DPT: variants seen among roughly 807,000 people sequenced by gnomAD.
DPT encodes dermatopontin, also known as tyrosine-rich acidic matrix protein.
A neutral mutation model predicts 31.2 loss-of-function variants in DPT; 21 were observed. The observed-to-expected ratio is 0.67, with a 90% CI of 0.48 to 0.97. The LOEUF (loss-of-function observed/expected upper bound fraction) is 0.97. Among genes scored for constraint, DPT ranks in the 50% least tolerant of loss-of-function variants. The pLI, the probability that DPT is intolerant of heterozygous loss-of-function variation, is 0.00. For missense variants in DPT, 262 were observed against 258.8 expected, an observed-to-expected ratio of 1.01 and a Z score of -0.08; for synonymous variants, 91 against 86.9, an observed-to-expected ratio of 1.05 and a Z score of -0.26.
chr1:168,721,319 C>T (rs1010617091), intron 1 of DPT, among the ~76,000 whole-genome samples: 4 of 152,178 alleles, frequency 2.6e-5, no homozygotes, highest in African/African-American at 9.7e-5. Context: ...ACTAGGATGA[C>T]AGTTCTTAAC....
At chr1:168,713,099 A>G (rs1457446612) in intron 2 of DPT, among the ~76,000 whole-genome samples, 1 of 152,034 alleles carries the variant, frequency 6.6e-6, no homozygotes, top group African/African-American at 2.4e-5. Flanking sequence ...TGCTCCTTCT[A>G]CCTCCTCCAC....
At chr1:168,697,284 G>C (rs1289749025) in intron 3 of DPT, among the ~76,000 whole-genome samples, 1 of 152,054 alleles carries the variant, frequency 6.6e-6, no homozygotes, top group Non-Finnish European at 1.5e-5. Flanking sequence ...AAAAAATCTT[G>C]TTTTAAAAAG....
intron 1 of DPT, among the ~76,000 whole-genome samples, chr1:168,726,340 C>T (rs1244450995): frequency 6.6e-6 from 1 of 152,250 alleles, no homozygotes; most frequent in Admixed American, 6.5e-5. Context: ...GAGTTCATGA[C>T]AAACCAGTCA....
At chr1:168,714,579 C>T (rs1649936109) in intron 1 of DPT, among the ~76,000 whole-genome samples, 1 of 152,196 alleles carries the variant, frequency 6.6e-6, no homozygotes, top group Non-Finnish European at 1.5e-5. Flanking sequence ...AACACTGCCC[C>T]TGTCATACCT....
At chr1:168,702,440 T>C (rs945025665) in intron 2 of DPT, among the ~76,000 whole-genome samples, 1 of 152,164 alleles carries the variant, frequency 6.6e-6, no homozygotes, top group African/African-American at 2.4e-5. Context: ...CTGATTTGAC[T>C]TTTCCTAAGA....
intron 2 of DPT, among the ~76,000 whole-genome samples, chr1:168,702,600 T>C (rs1649622304): frequency 6.7e-6 from 1 of 148,672 alleles, no homozygotes; most frequent in Non-Finnish European, 1.5e-5. Flanking sequence ...ACTTTACCTT[T>C]CAGGTAAATG....
In DPT at chr1:168,714,228, A is replaced by C. The variant is rs778151815; in HGVS notation, c.424T>G (p.Ser142Ala). ...CCRYSKRCPY[S>A]CWLTTEYPGH... is the part of the protein sequence containing the mutation. ...GTCGGCTGCCAGACTCACCAGCAGG[A>C]ATATGGGCACCTCTTGCTGTAGCGA... Residue 142 changes from serine (S) to alanine (A), a missense_variant, in exon 2 of 4, where the codon TCC (serine) becomes GCC (alanine). Coordinates refer to ENST00000367817, the MANE Select transcript of DPT (RefSeq NM_001937.5). The C allele has an allele frequency of 3.5e-5, 56 of 1,613,974 alleles. 1 individual carries two copies. In the South Asian group the frequency reaches 6.1e-4, roughly 18 times the overall value.
intron 2 of DPT, among the ~76,000 whole-genome samples, chr1:168,712,074 T>C (rs1649879545): frequency 6.6e-6 from 1 of 152,200 alleles, no homozygotes; most frequent in South Asian, 2.1e-4. Context: ...CAACAGTTGT[T>C]AAGAAGACAC....
intron 2 of DPT, among the ~76,000 whole-genome samples, chr1:168,706,451 CCCCTT>C (rs1231874989): frequency 2.0e-5 from 3 of 152,042 alleles, no homozygotes; most frequent in African/African-American, 7.3e-5. Context: ...TACATCAGAC[CCCCTT>C]TGAATTAGTT....
chr1:168,712,202 A>G (rs903495500), intron 2 of DPT, among the ~76,000 whole-genome samples: 1 of 152,190 alleles, frequency 6.6e-6, no homozygotes, highest in African/African-American at 2.4e-5. Context: ...GGTAAAATGC[A>G]TAAAGTGCTG....
At chr1:168,704,185 A>T (rs1011797033) in intron 2 of DPT, among the ~76,000 whole-genome samples, 5 of 152,204 alleles carry the variant, frequency 3.3e-5, no homozygotes, top group African/African-American at 9.7e-5. Flanking sequence ...GTGAATTACT[A>T]GGTCACTTTA....
At chr1:168,698,951 A>ATTTAT (rs1649525668) in intron 3 of DPT, among the ~76,000 whole-genome samples, 1 of 152,126 alleles carries the variant, frequency 6.6e-6, no homozygotes, top group East Asian at 1.9e-4. Flanking sequence ...GCATGAGTAT[A>ATTTAT]TTTATTTTAT....
At chr1:168,711,779 T>A (rs1382568921) in intron 2 of DPT, among the ~76,000 whole-genome samples, 5 of 152,212 alleles carry the variant, frequency 3.3e-5, no homozygotes, top group Non-Finnish European at 2.9e-5. Flanking sequence ...CAGCTCTGTG[T>A]GATCATAGAC....
chr1:168,707,112 T>C lies in DPT; in HGVS notation c.432-5988A>G, dbSNP rs140453766. On this transcript the variant is annotated intron_variant, in intron 2 of 3. Transcript: ENST00000367817. ...TTTGGAGGCAGATAGACTGGTTGAGTCAAGTTTGGAACTTTGAAGGGAGCC... is the reference window on the plus strand; with the variant it reads ...TTTGGAGGCAGATAGACTGGTTGAGCCAAGTTTGGAACTTTGAAGGGAGCC... 2.6e-3 allele frequency among the ~76,000 whole-genome samples: 393 copies of C among 152,306 alleles called. 5 individuals carry two copies. Among genetic ancestry groups the C allele is most frequent in the African/African-American group, 9.0e-3 (374 of 41,564 alleles).
At chr1:168,710,658 C>T (rs1165027117) in intron 2 of DPT, among the ~76,000 whole-genome samples, 1 of 152,080 alleles carries the variant, frequency 6.6e-6, no homozygotes, top group Non-Finnish European at 1.5e-5. Context: ...TGGTGAATTG[C>T]ATCTAAGGGA....
At chr1:168,705,375 A>G (rs939048726) in intron 2 of DPT, among the ~76,000 whole-genome samples, 1 of 152,122 alleles carries the variant, frequency 6.6e-6, no homozygotes, top group Non-Finnish European at 1.5e-5. Context: ...ACATGAACAG[A>G]TACAGCTTCA....
At position 168,701,027 on chromosome 1, in the gene DPT, C is replaced by A; in HGVS notation, c.529G>T (p.Ala177Ser). ...GGCTGTCTTTCTCACCTTTCCACTGCAGAGAAAGTGGTTGTTGCTCCTCGG... is the reference window on the plus strand; with the variant it reads ...GGCTGTCTTTCTCACCTTTCCACTGAAGAGAAAGTGGTTGTTGCTCCTCGG... The part of the protein sequence containing the change: ...YIRGATTTFS[A>S]VERDRQWKFI... Residue 177 changes from alanine to serine, a missense_variant, in exon 3 of 4, where the codon GCA becomes TCA. Physicochemically the swap from Ala to Ser is moderately conservative, Grantham distance 99 (BLOSUM62 1). Transcript: ENST00000367817. The A allele has an allele frequency of 1.2e-6, 2 of 1,612,908 alleles. No individual in the cohort carries two copies. Among genetic ancestry groups the A allele is most frequent in the Non-Finnish European group, 8.5e-7 (1 of 1,179,136 alleles).
intron 1 of DPT, among the ~76,000 whole-genome samples, chr1:168,725,449 G>A (rs911459346): frequency 4.6e-5 from 7 of 151,866 alleles, no homozygotes; most frequent in Non-Finnish European, 8.8e-5. Context: ...GGCTCCTTCC[G>A]CTACACAGTA....
chr1:168,727,156 G>C (rs1166457583), intron 1 of DPT, among the ~76,000 whole-genome samples: 1 of 152,196 alleles, frequency 6.6e-6, no homozygotes, highest in Non-Finnish European at 1.5e-5. Flanking sequence ...TGTCGGGTGG[G>C]AGCCCACTCT....
Sources: gnomAD v4.1 joint callset for allele counts (sites outside exome capture counted in the v4.1 genomes callset) on GRCh38, gnomAD v4.1.1 for gene constraint, MANE v1.5 for transcripts, NCBI Gene and HGNC (gene_info 2026-07-23, HGNC 2026-07-21) for gene names.